Variants in LRP1 observed in about 807,000 individuals in gnomAD.
LRP1 encodes the protein prolow-density lipoprotein receptor-related protein 1.
In LRP1, 51 loss-of-function variants were observed where a neutral mutation model predicts 541.5. That is an observed-to-expected ratio of 0.09 (90% CI 0.08 to 0.12). The LOEUF (loss-of-function observed/expected upper bound fraction) is 0.12. LRP1 is among the 10% of genes least tolerant of loss of function. The pLI, the probability that LRP1 is intolerant of heterozygous loss-of-function variation, is 1.00. For missense variants in LRP1, 3,878 were observed against 6,376.2 expected (o/e 0.61, Z 13.34); for synonymous variants, 2,219 against 2,470.8 (o/e 0.90, Z 3.02).
chr12:57,180,172 C>T (rs371223444), intron 31 of LRP1, 31 bp downstream of exon 31: 1 of 1,604,436 alleles, frequency 6.2e-7, no homozygotes, highest in Non-Finnish European at 8.5e-7. Context: ...CCCCACAGCC[C>T]CTCCCTAATT....
In LRP1 at chr12:57,154,026, C is replaced by T. The variant is rs557813211; in HGVS notation, c.842-182C>T. On this transcript the variant is annotated intron_variant, in intron 6 of 88. Transcript: ENST00000243077. This position sits in a 1 kb window ranked among gnomAD's most constrained non-coding sequence, Gnocchi z 4.6. ...TAGAATTGGGAAGTCTGTCAGTCAA[C>T]CAGCCAGCCAGCATTTACGCAAGCC... Among the ~76,000 whole-genome samples, 21 of 152,274 alleles carry T rather than the reference C, an allele frequency of 1.4e-4. No individual in the cohort carries two copies. The highest frequency in any genetic ancestry group is 4.8e-4 in the African/African-American group (20 of 41,548).
chr12:57,133,331 G>A lies in LRP1; in HGVS notation c.67+4300G>A, dbSNP rs150202934. ...AGGAAAAGCTGGTGGGGGAGGTCAC[G>A]GGTCAGGCTAATGTCCTGCTGCATC... On this transcript the variant is annotated intron_variant, in intron 1 of 88. Coordinates refer to ENST00000243077, the MANE Select transcript of LRP1 (RefSeq NM_002332.3). 7.2e-5 allele frequency among the ~76,000 whole-genome samples: 11 copies of A among 152,086 alleles called. 1 individual carries two copies. The highest frequency in any genetic ancestry group is 6.8e-3 in the Middle Eastern group (2 of 294).
intron 69 of LRP1, 47 bp downstream of exon 69, chr12:57,203,334 G>A (rs1201920534): frequency 6.3e-7 from 1 of 1,590,086 alleles, no homozygotes. Context: ...GAGGAGTTCA[G>A]GCAGGGCTTG....
Position 57,190,865 on chromosome 12 carries a change from G to A in LRP1, c.7092G>A (p.Ser2364=), listed in dbSNP as rs35484999. The A allele has an allele frequency of 2.2e-5, 36 of 1,613,830 alleles. No homozygotes were observed. The East Asian group carries it at 3.8e-4, about 17-fold the overall frequency. Residue 2364 remains serine, a synonymous_variant, in exon 43 of 89, where the codon TCG becomes TCA. Transcript: ENST00000243077. ...CCAGCATCATGCGGGCGGCGCTCTC[G>A]GGAGCCAATGTCCTGACCCTTATCG... ...QHPSIMRAAL[S]GANVLTLIEK... is the part of the protein sequence containing the mutation.
chr12:57,128,957 C>A lies in LRP1; in HGVS notation c.-8C>A, dbSNP rs2034976077. On this transcript the variant is annotated 5_prime_UTR_variant, in exon 1 of 89. Transcript: ENST00000243077. ...GGGAAGGGGCTGCTGCTTGCATCAGCCCACACCATGCTGACCCCGCCGTTG... is the reference window on the plus strand; with the variant it reads ...GGGAAGGGGCTGCTGCTTGCATCAGACCACACCATGCTGACCCCGCCGTTG... 1.3e-6 allele frequency: 2 copies of A among 1,549,502 alleles called. No individual in the cohort carries two copies. The highest frequency in any genetic ancestry group is 2.7e-5 in the African/African-American group (2 of 73,014).
chr12:57,195,494 C>A, intron 52 of LRP1, 95 bp downstream of exon 52: 1 of 1,575,754 alleles, frequency 6.3e-7, no homozygotes. Flanking sequence ...GGAAATGCCT[C>A]AGCGGGGTCC....
Position 57,204,551 on chromosome 12 carries a change from C to T in LRP1, c.11071+22C>T. 6.2e-7 allele frequency: 1 copy of T among 1,606,508 alleles called. No individual in the cohort carries two copies. Among genetic ancestry groups the T allele is most frequent in the South Asian group, 1.1e-5 (1 of 90,644 alleles). On this transcript the variant is annotated intron_variant, in intron 71 of 88. Transcript: ENST00000243077. This position sits in a 1 kb window ranked among gnomAD's most constrained non-coding sequence, Gnocchi z 5.3. ...TGTGGTGAGATTTGGGGCGGGGCTC[C>T]CAGGCTTCCCAGTGGCCAGCAACCA...
chr12:57,191,749 C>G (rs892026858), intron 44 of LRP1, among the ~76,000 whole-genome samples: 1 of 33,846 alleles, frequency 3.0e-5, no homozygotes, highest in Non-Finnish European at 6.7e-5. Flanking sequence ...TACACATACA[C>G]CCCCAACACA....
At chr12:57,133,652 C>T (rs2035088677) in intron 1 of LRP1, among the ~76,000 whole-genome samples, 1 of 134,518 alleles carries the variant, frequency 7.4e-6, no homozygotes, top group Non-Finnish European at 1.6e-5. Flanking sequence ...GCACCTTGAG[C>T]ATCCTCCTCC....
Position 57,175,716 on chromosome 12 carries a change from A to G in LRP1, c.3793+11A>G, listed in dbSNP as rs777744792. On this transcript the variant is annotated intron_variant, in intron 23 of 88. Coordinates refer to ENST00000243077, the MANE Select transcript of LRP1 (RefSeq NM_002332.3). ...GCTGCCGCAGCCTGGGTGAGACAAC[A>G]GTGAGGTGTGGTGGGGCAGGCCGAG... 2 of 1,561,498 alleles carry G rather than the reference A, an allele frequency of 1.3e-6. No individual in the cohort carries two copies. The highest frequency in any genetic ancestry group is 2.5e-5 in the South Asian group (2 of 81,604).
Position 57,181,181 on chromosome 12 carries a change from G to A in LRP1, c.5552G>A (p.Ser1851Asn), listed in dbSNP as rs749454499. Reference sequence around the variant, plus strand: ...GACCATAAGGGCACCAACCCCTGCAGTGTCAACAACGGTGACTGCTCCCAG... The same window carrying A: ...GACCATAAGGGCACCAACCCCTGCAATGTCAACAACGGTGACTGCTCCCAG... ...QLDHKGTNPC[S>N]VNNGDCSQLC... Residue 1851 changes from serine to asparagine, a missense_variant, in exon 34 of 89, where the codon AGT becomes AAT. Ser to Asn is a conservative substitution (Grantham distance 46, BLOSUM62 1). This residue lies in a region of LRP1 where 394 missense variants were observed against 635.9 expected (regional missense o/e 0.62). Transcript: ENST00000243077. 1 of 1,613,790 alleles carries A rather than the reference G, an allele frequency of 6.2e-7. No individual in the cohort carries two copies. Among genetic ancestry groups the A allele is most frequent in the Non-Finnish European group, 8.5e-7 (1 of 1,179,984 alleles).
Position 57,177,647 on chromosome 12 carries a change from G to T in LRP1, c.4361+56G>T. 1 of 1,588,948 alleles carries T rather than the reference G, an allele frequency of 6.3e-7. No individual in the cohort carries two copies. The highest frequency in any genetic ancestry group is 2.3e-5 in the East Asian group (1 of 44,316). On this transcript the variant is annotated intron_variant, in intron 26 of 88. Coordinates refer to ENST00000243077, the MANE Select transcript of LRP1 (RefSeq NM_002332.3). The surrounding 1 kb of genome is among the most constrained non-coding windows in gnomAD (Gnocchi z 6.8). The stretch of plus-strand genomic sequence containing the variant: ...AAGTCTGTGGCACCAGGACGGGGTG[G>T]GGAGGAACCTGTGGTGATGAGGGTG...
At position 57,203,381 on chromosome 12, in the gene LRP1, G is replaced by A. The variant is rs778729409; in HGVS notation, c.10819-8G>A. On this transcript the variant is annotated splice_polypyrimidine_tract_variant and splice_region_variant and intron_variant, in intron 69 of 88. Coordinates refer to ENST00000243077, the MANE Select transcript of LRP1 (RefSeq NM_002332.3). ...GAGGTGACCGGCTGCCTGTGCCCAT[G>A]CCCACAGAAAGACTGCACCCCCCGC... The A allele has an allele frequency of 5.0e-6, 8 of 1,602,016 alleles. No individual in the cohort carries two copies. The highest frequency in any genetic ancestry group is 1.1e-5 in the South Asian group (1 of 90,158).
chr12:57,135,419 A>G (rs917449121), intron 1 of LRP1, among the ~76,000 whole-genome samples: 2 of 152,024 alleles, frequency 1.3e-5, no homozygotes, highest in African/African-American at 4.8e-5. Flanking sequence ...TAAGGGTCCT[A>G]CCCCGCTCCC....
chr12:57,201,699 G>T lies in LRP1; in HGVS notation c.10468+80G>T. 1 of 1,595,390 alleles carries T rather than the reference G, an allele frequency of 6.3e-7. No individual in the cohort carries two copies. Among genetic ancestry groups the T allele is most frequent in the Non-Finnish European group, 8.6e-7 (1 of 1,167,074 alleles). ...CACCCCGACGTGTGACCCCCTCAGT[G>T]GCTGCTCCCTCACTCTCCCCACCCT... On this transcript the variant is annotated intron_variant, in intron 66 of 88. Coordinates refer to ENST00000243077, the MANE Select transcript of LRP1 (RefSeq NM_002332.3). The surrounding 1 kb of genome is among the most constrained non-coding windows in gnomAD (Gnocchi z 6.4).
At position 57,211,344 on chromosome 12, in the gene LRP1, C is replaced by A. The variant is rs1377236615; in HGVS notation, c.13085C>A (p.Thr4362Asn). The change falls in exon 84 of 89, where the codon ACC becomes AAC. Residue 4362 changes from threonine to asparagine, a missense_variant. Transcript: ENST00000243077. This position sits in a 1 kb window ranked among gnomAD's most constrained non-coding sequence, Gnocchi z 4.3. ...GTCAACAAGCAGAGTGGGGATGTCA[C>A]CTGCAAGTGAGTGGGGCCCTCCTCC... ...CVVNKQSGDV[T>N]CNCTDGRVAP... 1 of 1,613,892 alleles carries A rather than the reference C, an allele frequency of 6.2e-7. No individual in the cohort carries two copies. The highest frequency in any genetic ancestry group is 8.5e-7 in the Non-Finnish European group (1 of 1,179,988).
At position 57,194,028 on chromosome 12, in the gene LRP1, T is replaced by G. The variant is rs2036472590; in HGVS notation, c.7918+16T>G. The G allele has an allele frequency of 1.2e-6, 2 of 1,607,858 alleles. No individual in the cohort carries two copies. The highest frequency in any genetic ancestry group is 1.7e-6 in the Non-Finnish European group (2 of 1,174,582). On this transcript the variant is annotated intron_variant, in intron 48 of 88. Transcript: ENST00000243077. Reference sequence around the variant, plus strand: ...ATGAACTGCAGTGAGTGACGCCCTTTGCTGGCACCTCCTGGGCTCCTCCCC... The same window carrying G: ...ATGAACTGCAGTGAGTGACGCCCTTGGCTGGCACCTCCTGGGCTCCTCCCC...
At chr12:57,192,186 T>A (rs572467980) in intron 44 of LRP1, among the ~76,000 whole-genome samples, 2 of 150,996 alleles carry the variant, frequency 1.3e-5, no homozygotes, top group African/African-American at 4.9e-5. Flanking sequence ...CTGGTCCTGC[T>A]CTCCCTGGGC....
In LRP1 at chr12:57,205,327, G is replaced by T; in HGVS notation, c.11336-24G>T. On this transcript the variant is annotated intron_variant, in intron 73 of 88. Coordinates refer to ENST00000243077, the MANE Select transcript of LRP1 (RefSeq NM_002332.3). This position sits in a 1 kb window ranked among gnomAD's most constrained non-coding sequence, Gnocchi z 4.6. Reference sequence around the variant, plus strand: ...CTGGCCTGGGGTGGCTCAAGGGAGGGCATCCACTCTCTGTCCCCCACAGAC... The same window carrying T: ...CTGGCCTGGGGTGGCTCAAGGGAGGTCATCCACTCTCTGTCCCCCACAGAC... 6.3e-7 allele frequency: 1 copy of T among 1,589,940 alleles called. No individual in the cohort carries two copies. Among genetic ancestry groups the T allele is most frequent in the East Asian group, 2.2e-5 (1 of 44,508 alleles).
Sources: allele counts gnomAD v4.1 joint callset (sites outside exome capture counted in the v4.1 genomes callset), GRCh38; gene constraint gnomAD v4.1.1; regional missense constraint gnomAD v4.1.1; non-coding constraint Gnocchi (gnomAD v3.1); transcripts MANE v1.5; gene names NCBI Gene and HGNC (gene_info 2026-07-23, HGNC 2026-07-21).